Variants in PCDH7 observed in about 807,000 individuals in gnomAD.
The protein encoded by PCDH7 is protocadherin 7.
A neutral mutation model predicts 58.9 loss-of-function variants in PCDH7; 17 were observed. That is an observed-to-expected ratio of 0.29 (90% confidence interval 0.20 to 0.43). The LOEUF is 0.43. Among genes scored for constraint, PCDH7 ranks in the 20% least tolerant of loss-of-function variants. PCDH7 has a pLI of 1.00. For synonymous variants in PCDH7, 664 were observed against 616.4 expected, an observed-to-expected ratio of 1.08 and a Z score of -1.14; for missense variants, 1,274 against 1,441.0, an observed-to-expected ratio of 0.88 and a Z score of 1.88.
At chr4:30,789,768 A>G (rs1271621903) in intron 1 of PCDH7, among the ~76,000 whole-genome samples, 10 of 152,180 alleles carry the variant, frequency 6.6e-5, no homozygotes, top group Non-Finnish European at 1.5e-5. Context: ...AGATAAGGAA[A>G]TCTAATTTTG....
At chr4:31,121,354 G>A (rs1717670012) in intron 3 of PCDH7, among the ~76,000 whole-genome samples, 1 of 152,182 alleles carries the variant, frequency 6.6e-6, no homozygotes, top group African/African-American at 2.4e-5. Context: ...AAAAATATCA[G>A]TGGCTATAAT....
intron 1 of PCDH7, among the ~76,000 whole-genome samples, chr4:30,911,540 A>G (rs1361540380): frequency 6.6e-6 from 1 of 152,178 alleles, no homozygotes; most frequent in African/African-American, 2.4e-5. Flanking sequence ...AGCAAAACCT[A>G]AATTGAATGA....
chr4:30,949,358 T>G (rs1747094012), intron 2 of PCDH7, among the ~76,000 whole-genome samples: 1 of 152,152 alleles, frequency 6.6e-6, no homozygotes, highest in Non-Finnish European at 1.5e-5. Context: ...GTGTTTGTTT[T>G]GCAGTGGTAG....
At chr4:31,100,441 A>C (rs1297388167) in intron 3 of PCDH7, among the ~76,000 whole-genome samples, 1 of 152,198 alleles carries the variant, frequency 6.6e-6, no homozygotes. Flanking sequence ...TTGGGATATG[A>C]TAAGTCCCAT....
At chr4:31,058,875 CA>C (rs1255844548) in intron 3 of PCDH7, among the ~76,000 whole-genome samples, 1 of 151,872 alleles carries the variant, frequency 6.6e-6, no homozygotes, top group Non-Finnish European at 1.5e-5. Context: ...TTAACAAAAG[CA>C]GTGATACACA....
At chr4:31,027,327 C>A (rs1438626260) in intron 3 of PCDH7, among the ~76,000 whole-genome samples, 1 of 152,076 alleles carries the variant, frequency 6.6e-6, no homozygotes, top group Non-Finnish European at 1.5e-5. Flanking sequence ...GATACAGAAC[C>A]CTTCACTATT....
At chr4:30,894,849 A>G (rs992333962) in intron 1 of PCDH7, among the ~76,000 whole-genome samples, 2 of 151,102 alleles carry the variant, frequency 1.3e-5, no homozygotes, top group South Asian at 4.2e-4. Flanking sequence ...CGAAAATCAG[A>G]TTCATTCTCT....
At chr4:30,823,246 T>G (rs901898542) in intron 1 of PCDH7, among the ~76,000 whole-genome samples, 3 of 152,154 alleles carry the variant, frequency 2.0e-5, no homozygotes, top group African/African-American at 7.2e-5. Flanking sequence ...CCTTTTGTTG[T>G]TGTTGCTTTC....
chr4:30,938,850 C>G (rs962223266), intron 2 of PCDH7, among the ~76,000 whole-genome samples: 7 of 152,190 alleles, frequency 4.6e-5, no homozygotes, highest in African/African-American at 1.7e-4. Context: ...AAAATACTGA[C>G]AGAGAAACCC....
intron 3 of PCDH7, among the ~76,000 whole-genome samples, chr4:31,102,787 C>CT (rs1715067053): frequency 6.6e-6 from 1 of 151,958 alleles, no homozygotes; most frequent in African/African-American, 2.4e-5. Flanking sequence ...GTACATGTAA[C>CT]TTTTATTTCC....
Position 30,749,008 on chromosome 4 carries a change from A to T in PCDH7, c.70+24412A>T, listed in dbSNP as rs181979346. ...TTTTTTCTTGCAAGAGTCCATATTA[A>T]CCATTATTATACTAGTACTTATCAA... On this transcript the variant is annotated intron_variant, in intron 1 of 3. Coordinates refer to the PCDH7 transcript ENST00000509759. 6.8e-3 allele frequency among the ~76,000 whole-genome samples: 1,029 copies of T among 152,236 alleles called. 7 individuals are homozygous for T. The highest frequency in any genetic ancestry group is 0.017 in the Middle Eastern group (5 of 294).
intron 1 of PCDH7, among the ~76,000 whole-genome samples, chr4:30,876,422 AT>A (rs1377830991): frequency 6.6e-5 from 10 of 152,120 alleles, no homozygotes; most frequent in Admixed American, 5.2e-4. Context: ...CACTGTAAAA[AT>A]TTTTAAATAA....
chr4:30,946,678 G>A (rs982077793), intron 2 of PCDH7, among the ~76,000 whole-genome samples: 5 of 139,174 alleles, frequency 3.6e-5, no homozygotes, highest in African/African-American at 1.4e-4. Context: ...AGTATTTAAC[G>A]CCTTATCTCT....
chr4:31,021,957 A>G (rs1173684669), intron 3 of PCDH7, among the ~76,000 whole-genome samples: 3 of 152,224 alleles, frequency 2.0e-5, no homozygotes, highest in African/African-American at 7.2e-5. Flanking sequence ...TTTTGAAATT[A>G]TAAGGTGAAT....
chr4:31,041,731 G>A (rs1244199737), intron 3 of PCDH7, among the ~76,000 whole-genome samples: 3 of 152,166 alleles, frequency 2.0e-5, no homozygotes, highest in African/African-American at 4.8e-5. Context: ...TTTATGTAGC[G>A]TTTTCATCCA....
intron 1 of PCDH7, among the ~76,000 whole-genome samples, chr4:30,800,796 G>A (rs1725438323): frequency 6.6e-6 from 1 of 152,200 alleles, no homozygotes; most frequent in Non-Finnish European, 1.5e-5. Context: ...AGAGTACAGG[G>A]AGCATGGGAT....
intron 3 of PCDH7, among the ~76,000 whole-genome samples, chr4:31,056,091 G>A (rs1251538637): frequency 6.6e-6 from 1 of 152,040 alleles, no homozygotes; most frequent in East Asian, 1.9e-4. Context: ...AATGAGAGCC[G>A]GGCGTGGTGG....
intron 3 of PCDH7, among the ~76,000 whole-genome samples, chr4:31,069,996 T>C (rs1758418787): frequency 6.6e-6 from 1 of 152,132 alleles, no homozygotes; most frequent in African/African-American, 2.4e-5. Context: ...GAGTGCATTA[T>C]TGAGATCTTT....
chr4:30,995,255 T>C (rs962822207), intron 3 of PCDH7, among the ~76,000 whole-genome samples: 5 of 152,132 alleles, frequency 3.3e-5, no homozygotes, highest in African/African-American at 7.2e-5. Context: ...CGGTGGCTCA[T>C]GCCTGTAATC....
Sources: gnomAD v4.1 joint callset for allele counts (sites outside exome capture counted in the v4.1 genomes callset) on GRCh38, gnomAD v4.1.1 for gene constraint, MANE v1.5 for transcripts, NCBI Gene and HGNC (gene_info 2026-07-23, HGNC 2026-07-21) for gene names.